Variants in FOCAD observed in about 807,000 individuals in gnomAD.
The protein encoded by FOCAD is focadhesin.
Under a neutral mutation model 225.6 loss-of-function variants are expected in FOCAD, and 198 were observed. The ratio of observed to expected loss-of-function variants is 0.88; its 90% CI spans 0.78 to 0.99. FOCAD has a LOEUF of 0.99. Among genes scored for constraint, FOCAD ranks in the 50% least tolerant of loss-of-function variants. The pLI is 0.00. For synonymous variants in FOCAD, 897 were observed against 755.0 expected (o/e 1.19, Z -3.08); for missense variants, 2,713 against 2,123.6 (o/e 1.28, Z -5.46).
chr9:20,907,091 A>T (rs1833041746), intron 21 of FOCAD, 59 bp from the exon 22 acceptor site: 2 of 1,340,756 alleles, frequency 1.5e-6, no homozygotes, highest in Non-Finnish European at 2.1e-6. Flanking sequence ...AAACAGTTTT[A>T]ATTTTATTCT....
intron 28 of FOCAD, among the ~76,000 whole-genome samples, chr9:20,938,571 GCC>G (rs762849805): frequency 0.16 from 23,910 of 150,640 alleles, 1,937 homozygotes; most frequent in East Asian, 0.21. Flanking sequence ...ACACACGGGG[GCC>G]TGTTGTGGGG....
intron 29 of FOCAD, 74 bp downstream of exon 29, chr9:20,944,848 C>A (rs1837029472): frequency 6.9e-7 from 1 of 1,449,970 alleles, no homozygotes; most frequent in Non-Finnish European, 9.2e-7. Context: ...TTTGGACTTA[C>A]CATATTTTGG....
intron 11 of FOCAD, 56 bp from the exon 12 acceptor site, chr9:20,819,740 A>G (rs1824114568): frequency 1.1e-6 from 1 of 885,286 alleles, no homozygotes; most frequent in Non-Finnish European, 1.7e-6. Context: ...ATATTCCATT[A>G]TATATTACTT....
chr9:20,814,185 G>T (rs987495561), intron 11 of FOCAD, among the ~76,000 whole-genome samples: 1 of 152,080 alleles, frequency 6.6e-6, no homozygotes, highest in Non-Finnish European at 1.5e-5. Context: ...CATTTACATT[G>T]AAAGTACTTA....
chr9:20,768,031 G>C (rs190310010), intron 7 of FOCAD, among the ~76,000 whole-genome samples: 1 of 151,394 alleles, frequency 6.6e-6, no homozygotes, highest in Non-Finnish European at 1.5e-5. Flanking sequence ...TCCAGTTACA[G>C]CTTTCTCCAT....
At chr9:20,799,991 G>A (rs1319731270) in intron 11 of FOCAD, among the ~76,000 whole-genome samples, 1 of 152,118 alleles carries the variant, frequency 6.6e-6, no homozygotes, top group Admixed American at 6.5e-5. Flanking sequence ...GGTACCAGTT[G>A]TTCCTTTTCA....
chr9:20,878,236 A>G (rs943327229), intron 19 of FOCAD, among the ~76,000 whole-genome samples: 2 of 152,210 alleles, frequency 1.3e-5, no homozygotes, highest in Admixed American at 6.5e-5. Flanking sequence ...GCAAGTTGGC[A>G]CTATGTGTGA....
chr9:20,921,436 A>G (rs943890895), intron 24 of FOCAD, among the ~76,000 whole-genome samples: 1 of 152,212 alleles, frequency 6.6e-6, no homozygotes, highest in African/African-American at 2.4e-5. Flanking sequence ...TTTGAGCAAC[A>G]AGGTGATGAG....
At chr9:20,710,317 T>C (rs1394418027) in intron 1 of FOCAD, among the ~76,000 whole-genome samples, 1 of 150,198 alleles carries the variant, frequency 6.7e-6, no homozygotes, top group African/African-American at 2.4e-5. Flanking sequence ...GTAATATTAC[T>C]GGGCACGGTG....
At chr9:20,734,978 T>C in intron 4 of FOCAD, among the ~76,000 whole-genome samples, 1 of 152,138 alleles carries the variant, frequency 6.6e-6, no homozygotes, top group Non-Finnish European at 1.5e-5. Context: ...GAAGCAGAAT[T>C]TATGGGAAAA....
chr9:20,961,703 C>G (rs1265776897), intron 35 of FOCAD, among the ~76,000 whole-genome samples: 7 of 152,138 alleles, frequency 4.6e-5, no homozygotes, highest in Non-Finnish European at 1.0e-4. Context: ...ACTTGACTCT[C>G]ATTATCCTCA....
chr9:20,917,671 T>C (rs779956422), intron 24 of FOCAD, among the ~76,000 whole-genome samples: 3 of 152,150 alleles, frequency 2.0e-5, no homozygotes, highest in South Asian at 2.1e-4. Context: ...AACACAGATA[T>C]ACCTTTGACC....
At chr9:20,970,835 A>G (rs574551894) in intron 35 of FOCAD, among the ~76,000 whole-genome samples, 1 of 152,322 alleles carries the variant, frequency 6.6e-6, no homozygotes, top group South Asian at 2.1e-4. Flanking sequence ...ATTGTAAAAT[A>G]TGTAACATAA....
rs1473230654 is a variant in FOCAD at position 20,907,260 on chromosome 9, T to A, written c.2718+18T>A. The A allele has an allele frequency of 3.1e-6, 5 of 1,603,092 alleles. No individual in the cohort carries two copies. In the African/African-American group the frequency reaches 5.4e-5, roughly 17 times the overall value. ...TTTTACAGGTAATGAAACCACAGGA[T>A]AGGTTTGCTTTGGCGAAATGTCTCC... On this transcript the variant is annotated intron_variant, in intron 22 of 43. Coordinates refer to ENST00000338382, the MANE Select transcript of FOCAD (RefSeq NM_001375567.1).
upstream of FOCAD, among the ~76,000 whole-genome samples, chr9:20,656,681 G>C (rs977134544): frequency 6.6e-6 from 1 of 152,090 alleles, no homozygotes; most frequent in Non-Finnish European, 1.5e-5. Context: ...CTCTGCACGT[G>C]AGATGGGTTT....
At chr9:20,948,803 A>C in intron 31 of FOCAD, 48 bp from the exon 32 acceptor site, 3 of 1,594,322 alleles carry the variant, frequency 1.9e-6, no homozygotes, top group Non-Finnish European at 2.6e-6. Flanking sequence ...TAGAATCTAA[A>C]CCCAAGGACT....
At chr9:20,871,766 G>T (rs1265238914) in intron 18 of FOCAD, among the ~76,000 whole-genome samples, 2 of 115,614 alleles carry the variant, frequency 1.7e-5, no homozygotes, top group Non-Finnish European at 3.5e-5. Context: ...TGTGGGGTGG[G>T]GGGTGGGGGG....
intron 11 of FOCAD, among the ~76,000 whole-genome samples, chr9:20,808,612 G>A (rs1822715429): frequency 6.6e-6 from 1 of 152,166 alleles, no homozygotes; most frequent in African/African-American, 2.4e-5. Flanking sequence ...CATACACGAG[G>A]TTCAGTGAGC....
chr9:20,914,857 A>G (rs1833743687), intron 23 of FOCAD, among the ~76,000 whole-genome samples: 1 of 152,214 alleles, frequency 6.6e-6, no homozygotes, highest in Admixed American at 6.5e-5. Context: ...CCGTTGCAAT[A>G]ATTTAGGCAA....
Sources: gnomAD v4.1 joint callset for allele counts (sites outside exome capture counted in the v4.1 genomes callset) on GRCh38, gnomAD v4.1.1 for gene constraint, MANE v1.5 for transcripts, NCBI Gene and HGNC (gene_info 2026-07-23, HGNC 2026-07-21) for gene names.